FBXO34: variants seen among roughly 807,000 people sequenced by gnomAD.
FBXO34 encodes F-box only protein 34.
FBXO34 carries 12 observed loss-of-function variants against 24.5 expected under a neutral mutation model. That is an observed-to-expected ratio of 0.49 (90% CI 0.31 to 0.79). The LOEUF (loss-of-function observed/expected upper bound fraction) is 0.79, where lower values mean the gene tolerates loss of function less well. Ranked by LOEUF, FBXO34 falls within the 30% of genes least tolerant of loss-of-function variation. FBXO34 has a pLI of 0.04. For synonymous variants in FBXO34, 320 were observed against 311.9 expected (o/e 1.03, Z -0.27); for missense variants, 823 against 857.7 (o/e 0.96, Z 0.51).
intron 1 of FBXO34, among the ~76,000 whole-genome samples, chr14:55,279,037 C>T (rs1357267928): frequency 6.6e-6 from 1 of 152,146 alleles, no homozygotes; most frequent in African/African-American, 2.4e-5. Flanking sequence ...TGGCTCACGC[C>T]TGTAATCCCA....
chr14:55,435,819 T>G, the FBXO34 span: 3 of 1,395,496 alleles, frequency 2.1e-6, no homozygotes, highest in African/African-American at 1.5e-5. Context: ...AGAAGCTAAT[T>G]ATTGGAAGGA....
intron 1 of FBXO34, among the ~76,000 whole-genome samples, chr14:55,274,963 G>C (rs1881285483): frequency 6.6e-6 from 1 of 152,162 alleles, no homozygotes; most frequent in Admixed American, 6.5e-5. Flanking sequence ...CAGTCCTTTG[G>C]AAGCAACAAA....
chr14:55,436,434 A>G, the FBXO34 span: 142 of 908,486 alleles, frequency 1.6e-4, 1 homozygote, highest in East Asian at 3.6e-3. Flanking sequence ...TTTAGAACTG[A>G]TAAAACAAAG....
intron 1 of FBXO34, among the ~76,000 whole-genome samples, chr14:55,293,817 A>G (rs1882027644): frequency 6.9e-6 from 1 of 145,516 alleles, no homozygotes; most frequent in Admixed American, 6.9e-5. Context: ...TGAATGAATG[A>G]ATTTTTATGA....
chr14:55,413,969 TG>T, the FBXO34 span: 1 of 511,414 alleles, frequency 2.0e-6, no homozygotes, highest in South Asian at 1.5e-5. Context: ...TAGATTCGCA[TG>T]TATGTGGCCA....
chr14:55,347,664 C>G (rs1425558534), intron 1 of FBXO34, among the ~76,000 whole-genome samples: 1 of 152,216 alleles, frequency 6.6e-6, no homozygotes, highest in African/African-American at 2.4e-5. Context: ...TTTAATCTTG[C>G]TAAAATCTTG....
rs114025543 is a variant in FBXO34 at position 55,278,277 on chromosome 14, T to G, written c.-11+6740T>G. Among the ~76,000 whole-genome samples, 857 of 152,276 alleles carry G rather than the reference T, an allele frequency of 5.6e-3. 12 individuals carry two copies. Among genetic ancestry groups the G allele is most frequent in the African/African-American group, 0.019 (786 of 41,540 alleles). On this transcript the variant is annotated intron_variant, in intron 1 of 1. Coordinates refer to ENST00000313833, the MANE Select transcript of FBXO34 (RefSeq NM_017943.4). ...GGAACTGAACTCATTTTCCCCAGAT[T>G]CCCTCACTGTGACGAAGTTAAGCTT... is the stretch of plus-strand genomic sequence containing the variant.
At chr14:55,395,407 C>T in the FBXO34 span, among the ~76,000 whole-genome samples, 1 of 152,236 alleles carries the variant, frequency 6.6e-6, no homozygotes, top group East Asian at 1.9e-4. Flanking sequence ...GGCTGGAGTG[C>T]TGTGGCACGA....
At chr14:55,281,940 G>A (rs1417303285) in intron 1 of FBXO34, among the ~76,000 whole-genome samples, 1 of 119,686 alleles carries the variant, frequency 8.4e-6, no homozygotes, top group Non-Finnish European at 1.8e-5. Flanking sequence ...GTAGCTTTAC[G>A]TTTTTTTGAA....
the FBXO34 span, among the ~76,000 whole-genome samples, chr14:55,427,052 A>G: frequency 1.3e-5 from 2 of 152,262 alleles, no homozygotes; most frequent in Admixed American, 1.3e-4. Context: ...AAGCCGATTC[A>G]GAGAAAGATA....
At chr14:55,313,698 G>A (rs1441636731) in intron 1 of FBXO34, among the ~76,000 whole-genome samples, 1 of 152,186 alleles carries the variant, frequency 6.6e-6, no homozygotes, top group Non-Finnish European at 1.5e-5. Context: ...GAGAATGAAT[G>A]CAGGAGGAGC....
chr14:55,319,265 T>C (rs1883044639), intron 1 of FBXO34, among the ~76,000 whole-genome samples: 1 of 152,222 alleles, frequency 6.6e-6, no homozygotes, highest in African/African-American at 2.4e-5. Flanking sequence ...TCAAGTTTCT[T>C]TTGACACTGT....
intron 1 of FBXO34, among the ~76,000 whole-genome samples, chr14:55,285,069 A>T (rs2139659763): frequency 6.7e-6 from 1 of 150,066 alleles, no homozygotes; most frequent in Admixed American, 6.7e-5. Flanking sequence ...ATCAGTTGTA[A>T]AGCTTCTTTC....
intron 1 of FBXO34, among the ~76,000 whole-genome samples, chr14:55,283,800 C>G (rs868049233): frequency 4.6e-5 from 7 of 152,146 alleles, no homozygotes; most frequent in Middle Eastern, 3.4e-3. Flanking sequence ...GTGTTTTCCC[C>G]CCTTTTAGGT....
downstream of FBXO34, among the ~76,000 whole-genome samples, chr14:55,362,666 G>A (rs575310272): frequency 6.6e-6 from 1 of 152,078 alleles, no homozygotes; most frequent in Non-Finnish European, 1.5e-5. Context: ...TCTTTATTTT[G>A]AATGCAACTG....
intron 1 of FBXO34, among the ~76,000 whole-genome samples, chr14:55,296,359 T>TGG (rs1480926521): frequency 6.9e-6 from 1 of 145,444 alleles, no homozygotes; most frequent in Non-Finnish European, 1.5e-5. Flanking sequence ...GGGTAGACAG[T>TGG]GGGTAGGTTT....
intron 1 of FBXO34, chr14:55,285,592 A>G (rs1881734575): frequency 6.6e-6 from 1 of 152,144 alleles, no homozygotes; most frequent in Non-Finnish European, 1.5e-5. Context: ...TGAACACTTC[A>G]TGGGATTTCC....
At chr14:55,325,545 G>A (rs886508924) in intron 1 of FBXO34, among the ~76,000 whole-genome samples, 5 of 151,880 alleles carry the variant, frequency 3.3e-5, no homozygotes, top group Admixed American at 2.6e-4. Flanking sequence ...GCGCGATCTC[G>A]GCTCATCGCA....
downstream of FBXO34, chr14:55,368,132 A>G (rs909970196): frequency 6.6e-6 from 1 of 152,618 alleles, no homozygotes; most frequent in African/African-American, 2.4e-5. Context: ...ATATTTGTAC[A>G]TAATGCCTCT....
Sources: allele counts gnomAD v4.1 joint callset (sites outside exome capture counted in the v4.1 genomes callset), GRCh38; gene constraint gnomAD v4.1.1; transcripts MANE v1.5; gene names NCBI Gene and HGNC (gene_info 2026-07-23, HGNC 2026-07-21).